The following ZNF638 variants were observed in gnomAD, a reference collection of about 807,000 sequenced individuals.
ZNF638 encodes the protein CTCL tumor antigen se33-1.
A neutral mutation model predicts 195.6 loss-of-function variants in ZNF638; 46 were observed. That is an observed-to-expected ratio of 0.24 (90% CI 0.19 to 0.30). ZNF638 has a LOEUF of 0.30. Among genes scored for constraint, ZNF638 ranks in the 10% least tolerant of loss-of-function variants. The pLI, the probability that ZNF638 is intolerant of heterozygous loss-of-function variation, is 1.00. For synonymous variants in ZNF638, 845 were observed against 772.0 expected, an observed-to-expected ratio of 1.09 and a Z score of -1.57; for missense variants, 2,440 against 2,325.3, an observed-to-expected ratio of 1.05 and a Z score of -1.01.
At chr2:71,357,512 G>A (rs977370964) in intron 3 of ZNF638, among the ~76,000 whole-genome samples, 3 of 152,290 alleles carry the variant, frequency 2.0e-5, no homozygotes, top group African/African-American at 7.2e-5. Context: ...TACCCAGTGG[G>A]ATGTCTTAAT....
chr2:71,417,181 G>A (rs1214299871), intron 20 of ZNF638, among the ~76,000 whole-genome samples: 5 of 151,770 alleles, frequency 3.3e-5, no homozygotes, highest in African/African-American at 1.2e-4. Flanking sequence ...GTCTCGTGGT[G>A]TGCCGTTTCT....
chr2:71,371,168 C>T (rs530088475), intron 8 of ZNF638, among the ~76,000 whole-genome samples: 1 of 152,260 alleles, frequency 6.6e-6, no homozygotes, highest in South Asian at 2.1e-4. Context: ...TTTTAAATAA[C>T]TGAATCTCAT....
chr2:71,420,622 A>G (rs926558713), intron 21 of ZNF638, among the ~76,000 whole-genome samples: 2 of 152,152 alleles, frequency 1.3e-5, no homozygotes, highest in Admixed American at 1.3e-4. Flanking sequence ...GGCTGGAGGG[A>G]GGAGTGGCAA....
rs1320652848 is a variant in ZNF638, at chr2:71,424,726, G to A, written c.4590+11G>A. 1 of 1,606,638 alleles carries A rather than the reference G, an allele frequency of 6.2e-7. No individual in the cohort carries two copies. The highest frequency in any genetic ancestry group is 1.3e-5 in the African/African-American group (1 of 74,776). On this transcript the variant is annotated intron_variant, in intron 23 of 27. Coordinates refer to ENST00000264447, the MANE Select transcript of ZNF638 (RefSeq NM_014497.5). Reference sequence around the variant, plus strand: ...TCCAAATCTAAAGAGGTAAAAAATAGATCACAGACCCTAACCCTTCTTTTT... The same window carrying A: ...TCCAAATCTAAAGAGGTAAAAAATAAATCACAGACCCTAACCCTTCTTTTT...
intron 10 of ZNF638, chr2:71,395,699 A>T (rs1014562775): frequency 4.4e-6 from 2 of 459,480 alleles, no homozygotes; most frequent in Non-Finnish European, 8.3e-6. Context: ...TCAGGGCTGC[A>T]TTCTCTCTTT....
chr2:71,378,796 C>T (rs1246442240), intron 8 of ZNF638, among the ~76,000 whole-genome samples: 1 of 152,124 alleles, frequency 6.6e-6, no homozygotes, highest in Non-Finnish European at 1.5e-5. Context: ...GGGAACAAAC[C>T]ACGTCCTGGA....
intron 1 of ZNF638, among the ~76,000 whole-genome samples, chr2:71,348,061 T>C (rs545412943): frequency 6.6e-6 from 1 of 152,328 alleles, no homozygotes; most frequent in Non-Finnish European, 1.5e-5. Context: ...CCATATATAT[T>C]CGTCCATACT....
At chr2:71,336,326 G>A (rs1049412858) in intron 1 of ZNF638, among the ~76,000 whole-genome samples, 9 of 138,292 alleles carry the variant, frequency 6.5e-5, no homozygotes, top group Non-Finnish European at 1.1e-4. Context: ...GCCGAGATTT[G>A]CGCCCTTGCA....
rs368577262 is a variant in ZNF638 at position 71,423,882 on chromosome 2, C to T, written c.4368C>T (p.Phe1456=). The change falls in exon 22 of 28, where the codon TTC becomes TTT. Residue 1456 remains phenylalanine (F), a synonymous_variant. Transcript: ENST00000264447. The part of the protein sequence containing the change: ...RSGLAESSSK[F]KPTQSSLTRG... ...GCTTGGCAGAAAGCAGCAGTAAATT[C>T]AAACCTACTCAGAGCAGTCTTACCA... The T allele has an allele frequency of 9.7e-5, 156 of 1,613,928 alleles. No homozygotes were observed. The highest frequency in any genetic ancestry group is 1.2e-4 in the Non-Finnish European group (139 of 1,179,988).
intron 26 of ZNF638, among the ~76,000 whole-genome samples, chr2:71,432,273 T>C (rs2152610205): frequency 6.6e-6 from 1 of 152,356 alleles, no homozygotes; most frequent in African/African-American, 2.4e-5. Flanking sequence ...TGATCTCAGC[T>C]AACTGCAACC....
rs2079151999 is a variant in ZNF638 at position 71,363,939 on chromosome 2, C to A, written c.1419-15C>A. On this transcript the variant is annotated splice_polypyrimidine_tract_variant and intron_variant, in intron 4 of 27. Transcript: ENST00000264447. Reference sequence around the variant, plus strand: ...AAATTGCTGATCACTTTCTTTTCCGCCCCCCTGCTTGTAGAAATGAGGGCA... The same window carrying A: ...AAATTGCTGATCACTTTCTTTTCCGACCCCCTGCTTGTAGAAATGAGGGCA... 2 of 1,591,446 alleles carry A rather than the reference C, an allele frequency of 1.3e-6. No homozygotes were observed. Among genetic ancestry groups the A allele is most frequent in the Non-Finnish European group, 1.7e-6 (2 of 1,169,566 alleles).
chr2:71,406,709 T>G (rs191430615), intron 19 of ZNF638, among the ~76,000 whole-genome samples: 37 of 152,204 alleles, frequency 2.4e-4, no homozygotes, highest in Non-Finnish European at 4.1e-4. Flanking sequence ...AAGAGAGAGA[T>G]AAAATAATTG....
At chr2:71,347,693 A>C (rs751009519) in intron 1 of ZNF638, among the ~76,000 whole-genome samples, 16 of 152,180 alleles carry the variant, frequency 1.1e-4, no homozygotes, top group Non-Finnish European at 2.1e-4. Context: ...CTTGGTCCTG[A>C]ATGGTAGCTA....
At chr2:71,337,140 T>G (rs1181317550) in intron 1 of ZNF638, among the ~76,000 whole-genome samples, 3 of 151,250 alleles carry the variant, frequency 2.0e-5, no homozygotes, top group Non-Finnish European at 4.4e-5. Context: ...GCCTATAGTT[T>G]TTTTTTTTTT....
At chr2:71,398,831 G>T in intron 12 of ZNF638, 59 bp downstream of exon 12, 1 of 1,430,354 alleles carries the variant, frequency 7.0e-7, no homozygotes, top group East Asian at 2.3e-5. Flanking sequence ...TTTTAAATTC[G>T]TATAATAATT....
intron 21 of ZNF638, among the ~76,000 whole-genome samples, chr2:71,421,742 C>T (rs1480428416): frequency 6.6e-6 from 1 of 152,158 alleles, no homozygotes; most frequent in African/African-American, 2.4e-5. Context: ...GGATCACTCT[C>T]TGGTGTCTTT....
At chr2:71,345,369 G>A (rs558527947) in intron 1 of ZNF638, among the ~76,000 whole-genome samples, 1 of 152,076 alleles carries the variant, frequency 6.6e-6, no homozygotes, top group Non-Finnish European at 1.5e-5. Context: ...TATGTTATTT[G>A]GCATATAGGT....
intron 8 of ZNF638, among the ~76,000 whole-genome samples, chr2:71,371,894 G>A (rs111593576): frequency 0.057 from 8,658 of 152,040 alleles, 966 homozygotes; most frequent in East Asian, 0.56. Flanking sequence ...CTCTGCAGAA[G>A]CTTTTTAACT....
In ZNF638 at chr2:71,355,681, A is replaced by G. The variant is rs371387905; in HGVS notation, c.1318-38A>G. On this transcript the variant is annotated intron_variant, in intron 2 of 27. Transcript: ENST00000264447. ...GCCTAATTCATTAGTCAACATGAGG[A>G]ATATTCTAATTTCAACACTTTTCTC... 15 of 1,317,720 alleles carry G rather than the reference A, an allele frequency of 1.1e-5. No homozygotes were observed. The Admixed American group carries it at 2.3e-4, about 20-fold the overall frequency. The allele number at this position is 1,317,720 out of a possible 1,614,324, so 81.6% of individuals were successfully genotyped here. A position where few individuals can be genotyped will look rare whatever the true frequency, so the allele number is the denominator to read the frequency against.
Sources: allele counts gnomAD v4.1 joint callset (sites outside exome capture counted in the v4.1 genomes callset), GRCh38; gene constraint gnomAD v4.1.1; transcripts MANE v1.5; gene names NCBI Gene and HGNC (gene_info 2026-07-23, HGNC 2026-07-21).